Variants in PPHLN1 observed in about 807,000 individuals in gnomAD.
The protein encoded by PPHLN1 is periphilin-1.
In PPHLN1, 29 loss-of-function variants were observed where a neutral mutation model predicts 51.3. The ratio of observed to expected loss-of-function variants is 0.57; its 90% CI spans 0.42 to 0.77. The LOEUF (loss-of-function observed/expected upper bound fraction) is 0.77, where lower values mean the gene tolerates loss of function less well. PPHLN1 is among the 30% of genes least tolerant of loss of function. The probability of loss-of-function intolerance (pLI) is 0.00; values close to 1 mark genes in which losing one functional copy is unlikely to be tolerated. For missense variants in PPHLN1, 436 were observed against 438.4 expected, an observed-to-expected ratio of 0.99 and a Z score of 0.05; for synonymous variants, 147 against 147.8, an observed-to-expected ratio of 0.99 and a Z score of 0.04.
intron 9 of PPHLN1, among the ~76,000 whole-genome samples, chr12:42,435,356 T>C (rs2082391476): frequency 6.6e-6 from 1 of 152,242 alleles, no homozygotes. Flanking sequence ...CTCTGATCCA[T>C]GTGTTCATAA....
chr12:42,378,849 T>C (rs1035173101), intron 5 of PPHLN1, among the ~76,000 whole-genome samples: 1 of 152,126 alleles, frequency 6.6e-6, no homozygotes, highest in African/African-American at 2.4e-5. Context: ...TGTACTTTAC[T>C]TGCAAGAATA....
chr12:42,367,016 T>A (rs1400345801), intron 4 of PPHLN1, among the ~76,000 whole-genome samples: 2 of 152,248 alleles, frequency 1.3e-5, no homozygotes, highest in Admixed American at 6.5e-5. Context: ...CTGGCTTTTT[T>A]AGGCTCAGTT....
At chr12:42,447,856 A>G (rs1472816888), downstream of PPHLN1, 1 of 152,178 alleles carries the variant, frequency 6.6e-6, no homozygotes, top group African/African-American at 2.4e-5. Context: ...AATTGAGGAC[A>G]ATTTTTTTTT....
chr12:42,434,094 C>T (rs1443098335), intron 9 of PPHLN1, among the ~76,000 whole-genome samples: 25 of 152,322 alleles, frequency 1.6e-4, no homozygotes, highest in Admixed American at 1.6e-3. Flanking sequence ...CATATCTCTT[C>T]TATCTGGCTG....
intron 4 of PPHLN1, among the ~76,000 whole-genome samples, chr12:42,363,508 G>A (rs765859803): frequency 6.6e-6 from 1 of 150,724 alleles, no homozygotes; most frequent in African/African-American, 2.4e-5. Flanking sequence ...TCTAGTATAC[G>A]TGTATTAGTG....
chr12:42,377,836 C>A (rs544492790), intron 5 of PPHLN1, among the ~76,000 whole-genome samples: 1 of 152,250 alleles, frequency 6.6e-6, no homozygotes, highest in Non-Finnish European at 1.5e-5. Flanking sequence ...GGGCGAGCAT[C>A]TTCTCTCTGT....
At chr12:42,386,214 A>T (rs2077180138) in intron 6 of PPHLN1, among the ~76,000 whole-genome samples, 1 of 152,242 alleles carries the variant, frequency 6.6e-6, no homozygotes, top group African/African-American at 2.4e-5. Context: ...ATTTGCCAGC[A>T]TCCCTGTCTT....
intron 8 of PPHLN1, among the ~76,000 whole-genome samples, 181 bp downstream of exon 8, chr12:42,393,870 G>A (rs1227891984): frequency 6.6e-6 from 1 of 152,050 alleles, no homozygotes; most frequent in Non-Finnish European, 1.5e-5. Flanking sequence ...CAGTAATCAC[G>A]CTTTGTCTGA....
Position 42,441,761 on chromosome 12 carries a change from C to A in PPHLN1, c.*252C>A. 1 of 1,126,410 alleles carries A rather than the reference C, an allele frequency of 8.9e-7. No individual in the cohort carries two copies. The highest frequency in any genetic ancestry group is 1.1e-6 in the Non-Finnish European group (1 of 909,368). The allele number at this position is 1,126,410 out of a possible 1,614,324, so 69.8% of individuals were successfully genotyped here. On this transcript the variant is annotated 3_prime_UTR_variant, in exon 10 of 10. Coordinates refer to ENST00000358314, the MANE Select transcript of PPHLN1 (RefSeq NM_201439.2). ...TCTCTAACTCCTGGCCTCAAGTGATCTGCCTGCCTCAGCCTCTCAAAGTGT... is the reference window on the plus strand; with the variant it reads ...TCTCTAACTCCTGGCCTCAAGTGATATGCCTGCCTCAGCCTCTCAAAGTGT...
At chr12:42,417,753 C>G (rs1328872087) in intron 9 of PPHLN1, among the ~76,000 whole-genome samples, 2 of 151,746 alleles carry the variant, frequency 1.3e-5, no homozygotes, top group East Asian at 1.9e-4. Context: ...TACTTTTTAA[C>G]TCAGTGTTTA....
chr12:42,355,059 A>T (rs1474683095), intron 3 of PPHLN1, 102 bp from the exon 4 acceptor site: 1 of 1,040,074 alleles, frequency 9.6e-7, no homozygotes, highest in Non-Finnish European at 1.5e-6. Flanking sequence ...ATGCCTTTGA[A>T]GTTTAGGGAA....
chr12:42,372,569 T>C (rs1207331518), intron 4 of PPHLN1, among the ~76,000 whole-genome samples: 3 of 152,206 alleles, frequency 2.0e-5, no homozygotes, highest in Non-Finnish European at 4.4e-5. Flanking sequence ...TCCTTTCTAA[T>C]GTTTCTCTGT....
At chr12:42,354,790 CTG>C (rs1251661378) in intron 3 of PPHLN1, among the ~76,000 whole-genome samples, 1 of 152,054 alleles carries the variant, frequency 6.6e-6, no homozygotes, top group Non-Finnish European at 1.5e-5. Flanking sequence ...GGGCTTGAAA[CTG>C]AAAATTGGTG....
chr12:42,363,400 A>G (rs1373273840), intron 4 of PPHLN1, among the ~76,000 whole-genome samples: 2 of 151,828 alleles, frequency 1.3e-5, no homozygotes, highest in Non-Finnish European at 2.9e-5. Context: ...CATTCACACC[A>G]TCTTCCACAG....
chr12:42,328,522 A>G (rs566882539), intron 1 of PPHLN1, among the ~76,000 whole-genome samples: 1 of 152,198 alleles, frequency 6.6e-6, no homozygotes, highest in Non-Finnish European at 1.5e-5. Flanking sequence ...AGATTTATAA[A>G]TATTATATGT....
intron 2 of PPHLN1, among the ~76,000 whole-genome samples, chr12:42,340,181 G>A (rs1275412188): frequency 6.6e-6 from 1 of 151,716 alleles, no homozygotes; most frequent in Non-Finnish European, 1.5e-5. Flanking sequence ...AGTAGCGCAT[G>A]CCTGTAGTCC....
intron 9 of PPHLN1, among the ~76,000 whole-genome samples, chr12:42,428,821 T>TTC (rs989770002): frequency 8.8e-5 from 6 of 68,376 alleles, no homozygotes; most frequent in African/African-American, 3.4e-4. Context: ...TTTTAACTTC[T>TTC]TTTTTTTTTT....
chr12:42,432,085 C>G (rs1669890), intron 9 of PPHLN1: 530,505 of 1,541,460 alleles, frequency 0.34, 95,790 homozygotes, highest in Middle Eastern at 0.39. Flanking sequence ...CGACCTCGAC[C>G]CCCTGAAACA....
In PPHLN1 at chr12:42,383,915, C is replaced by T. The variant is rs1024993041; in HGVS notation, c.512-1025C>T. Among the ~76,000 whole-genome samples, 15 of 126,584 alleles carry T rather than the reference C, an allele frequency of 1.2e-4. No homozygotes were observed. In the East Asian group the frequency reaches 2.1e-3, roughly 18 times the overall value. 83.0% of individuals were successfully genotyped at this position (126,584 alleles called of 152,430 possible). A position where few individuals can be genotyped will look rare whatever the true frequency, so the allele number is the denominator to read the frequency against. On this transcript the variant is annotated intron_variant, in intron 5 of 9. Coordinates refer to ENST00000358314, the MANE Select transcript of PPHLN1 (RefSeq NM_201439.2). Reference sequence around the variant, plus strand: ...AGGGGAATTGCTTGAACCCGGGGGGCGGAGGTTGCACTGAACTGAGATCAC... The same window carrying T: ...AGGGGAATTGCTTGAACCCGGGGGGTGGAGGTTGCACTGAACTGAGATCAC...
Sources: gnomAD v4.1 joint callset for allele counts (sites outside exome capture counted in the v4.1 genomes callset) on GRCh38, gnomAD v4.1.1 for gene constraint, MANE v1.5 for transcripts, NCBI Gene and HGNC (gene_info 2026-07-23, HGNC 2026-07-21) for gene names.